The following PABPC4L variants were observed in gnomAD, a reference collection of about 807,000 sequenced individuals.
The protein encoded by PABPC4L is polyadenylate-binding protein 4-like.
For synonymous variants in PABPC4L, 169 were observed against 164.1 expected, an observed-to-expected ratio of 1.03 and a Z score of -0.23; for missense variants, 452 against 451.4, an observed-to-expected ratio of 1.00 and a Z score of -0.01.
the PABPC4L span, among the ~76,000 whole-genome samples, chr4:134,031,846 C>T: frequency 6.6e-6 from 1 of 151,770 alleles, no homozygotes; most frequent in Non-Finnish European, 1.5e-5. Flanking sequence ...TGAATAAATG[C>T]TTCTAAGAAA....
chr4:134,081,585 C>T, the PABPC4L span, among the ~76,000 whole-genome samples: 1 of 152,164 alleles, frequency 6.6e-6, no homozygotes, highest in African/African-American at 2.4e-5. Context: ...TTATCAGTGC[C>T]TGGGGATGTT....
the PABPC4L span, among the ~76,000 whole-genome samples, chr4:134,180,972 T>C: frequency 2.0e-4 from 31 of 152,000 alleles, no homozygotes; most frequent in African/African-American, 6.7e-4. Flanking sequence ...GTGGTAACAT[T>C]CCTACTGAAA....
chr4:134,015,790 G>A, the PABPC4L span, among the ~76,000 whole-genome samples: 4 of 152,144 alleles, frequency 2.6e-5, no homozygotes, highest in East Asian at 5.8e-4. Context: ...TTACTGTTTT[G>A]CCTAGCCCTC....
chr4:134,193,779 C>T (rs1240254917), downstream of PABPC4L, among the ~76,000 whole-genome samples: 16 of 151,674 alleles, frequency 1.1e-4, no homozygotes, highest in Non-Finnish European at 2.4e-4. Context: ...ATAAAAGAAA[C>T]ATTAGAACAT....
the PABPC4L span, among the ~76,000 whole-genome samples, chr4:134,170,149 T>C: frequency 1.3e-4 from 20 of 152,296 alleles, no homozygotes; most frequent in Non-Finnish European, 2.6e-4. Flanking sequence ...TTCGGTTTTC[T>C]GTTCCTGCAT....
the PABPC4L span, among the ~76,000 whole-genome samples, chr4:134,102,455 T>G: frequency 2.0e-5 from 3 of 151,486 alleles, no homozygotes; most frequent in Non-Finnish European, 4.4e-5. Flanking sequence ...AGTCAGAATC[T>G]CTGGATGTAT....
chr4:134,014,595 A>G, the PABPC4L span, among the ~76,000 whole-genome samples: 4 of 151,934 alleles, frequency 2.6e-5, no homozygotes, highest in African/African-American at 9.7e-5. Context: ...ACTCTGGCCC[A>G]AGGCTCTCTG....
chr4:134,156,026 G>A, the PABPC4L span, among the ~76,000 whole-genome samples: 2 of 151,912 alleles, frequency 1.3e-5, no homozygotes, highest in Non-Finnish European at 2.9e-5. Flanking sequence ...TTTCTACAAG[G>A]TTTGTGCTGT....
chr4:134,175,503 C>T, the PABPC4L span, among the ~76,000 whole-genome samples: 2 of 152,010 alleles, frequency 1.3e-5, no homozygotes, highest in Non-Finnish European at 2.9e-5. Flanking sequence ...GGCTGAATTG[C>T]AGTGGCACAA....
At chr4:134,161,043 C>A in the PABPC4L span, among the ~76,000 whole-genome samples, 10 of 151,804 alleles carry the variant, frequency 6.6e-5, no homozygotes, top group East Asian at 1.6e-3. Flanking sequence ...GAAGTTAACA[C>A]AAAGAAAGAA....
At chr4:134,014,433 C>T in the PABPC4L span, among the ~76,000 whole-genome samples, 1 of 152,200 alleles carries the variant, frequency 6.6e-6, no homozygotes, top group African/African-American at 2.4e-5. Flanking sequence ...CTGCCTCCCC[C>T]AGGAACTTGC....
At chr4:134,066,431 A>G in the PABPC4L span, among the ~76,000 whole-genome samples, 1 of 152,112 alleles carries the variant, frequency 6.6e-6, no homozygotes, top group East Asian at 1.9e-4. Flanking sequence ...ATAAAGACCT[A>G]AGAGCTTTTG....
the PABPC4L span, among the ~76,000 whole-genome samples, chr4:134,135,758 G>T: frequency 6.6e-6 from 1 of 152,152 alleles, no homozygotes; most frequent in East Asian, 1.9e-4. Flanking sequence ...CCTTGAACCA[G>T]GGAGGTAGAG....
the PABPC4L span, among the ~76,000 whole-genome samples, chr4:134,101,015 G>C: frequency 6.6e-6 from 1 of 151,302 alleles, no homozygotes; most frequent in East Asian, 1.9e-4. Context: ...AAATGTATTA[G>C]AAGAAAACAT....
At chr4:134,039,422 G>T in the PABPC4L span, among the ~76,000 whole-genome samples, 4 of 152,032 alleles carry the variant, frequency 2.6e-5, no homozygotes, top group African/African-American at 9.7e-5. Flanking sequence ...TGACAGTGGG[G>T]TATTTAACTC....
At chr4:133,999,985 A>AT in the PABPC4L span, among the ~76,000 whole-genome samples, 1 of 152,112 alleles carries the variant, frequency 6.6e-6, no homozygotes, top group African/African-American at 2.4e-5. Flanking sequence ...AAATAAAAAT[A>AT]TTTTTTTCAA....
the PABPC4L span, among the ~76,000 whole-genome samples, chr4:134,179,596 C>T: frequency 6.6e-6 from 1 of 151,894 alleles, no homozygotes; most frequent in Non-Finnish European, 1.5e-5. Flanking sequence ...GAGTGGCAAG[C>T]TGGATAAAAA....
chr4:134,002,702 T>C, the PABPC4L span, among the ~76,000 whole-genome samples: 1 of 152,022 alleles, frequency 6.6e-6, no homozygotes, highest in Non-Finnish European at 1.5e-5. Context: ...AATGATTTCT[T>C]TGGAGTCTTA....
chr4:133,953,530 TTTC>T, the PABPC4L span, among the ~76,000 whole-genome samples: 1 of 152,172 alleles, frequency 6.6e-6, no homozygotes, highest in African/African-American at 2.4e-5. Context: ...TCTTGAACAT[TTTC>T]TTATTTGATC....
Sources: allele counts gnomAD v4.1 joint callset (sites outside exome capture counted in the v4.1 genomes callset), GRCh38; gene constraint gnomAD v4.1.1; transcripts MANE v1.5; gene names NCBI Gene and HGNC (gene_info 2026-07-23, HGNC 2026-07-21).